Variants in CSMD3 observed in about 807,000 individuals in gnomAD.
CSMD3 encodes the protein CUB and sushi domain-containing protein 3.
Under a neutral mutation model 435.2 loss-of-function variants are expected in CSMD3, and 177 were observed. The observed-to-expected ratio is 0.41, with a 90% CI of 0.36 to 0.46. The LOEUF is 0.46. Ranked by LOEUF, CSMD3 falls within the 20% of genes least tolerant of loss-of-function variation. The pLI is 0.34. For missense variants in CSMD3, 4,265 were observed against 4,504.6 expected, an observed-to-expected ratio of 0.95 and a Z score of 1.52; for synonymous variants, 1,656 against 1,520.5, an observed-to-expected ratio of 1.09 and a Z score of -2.07.
At chr8:113,332,984 CATTTG>C in intron 1 of CSMD3, among the ~76,000 whole-genome samples, 1 of 151,730 alleles carries the variant, frequency 6.6e-6, no homozygotes, top group East Asian at 1.9e-4. Context: ...CATATATAGA[CATTTG>C]ATTTGAGTGT....
intron 5 of CSMD3, among the ~76,000 whole-genome samples, chr8:113,082,746 G>A (rs998042751): frequency 3.3e-5 from 5 of 151,996 alleles, no homozygotes; most frequent in Admixed American, 1.3e-4. Flanking sequence ...AAATTCAACA[G>A]AGATATCATG....
intron 10 of CSMD3, among the ~76,000 whole-genome samples, chr8:112,897,542 T>C (rs983646182): frequency 1.2e-4 from 18 of 150,720 alleles, no homozygotes; most frequent in Admixed American, 1.1e-3. Context: ...GATAAAGAAC[T>C]CAGAAAACTG....
intron 1 of CSMD3, among the ~76,000 whole-genome samples, chr8:113,368,809 A>G (rs1475591549): frequency 1.3e-5 from 2 of 152,226 alleles, no homozygotes; most frequent in East Asian, 1.9e-4. Context: ...ATCTAAATTC[A>G]TATCTAGTCC....
chr8:112,269,425 C>A (rs1014913428), intron 59 of CSMD3, among the ~76,000 whole-genome samples: 1 of 152,112 alleles, frequency 6.6e-6, no homozygotes, highest in African/African-American at 2.4e-5. Context: ...GGGGTTGGTC[C>A]TTTTGGACGC....
chr8:112,255,721 C>A (rs911757420), intron 61 of CSMD3: 1 of 373,106 alleles, frequency 2.7e-6, no homozygotes, highest in Non-Finnish European at 4.9e-6. Flanking sequence ...CAAAATCAAA[C>A]CACATATTTG....
intron 9 of CSMD3, among the ~76,000 whole-genome samples, chr8:112,944,315 T>C (rs148984039): frequency 6.6e-6 from 1 of 151,712 alleles, no homozygotes; most frequent in Non-Finnish European, 1.5e-5. Context: ...TCCTTTCTAT[T>C]AGATTGAAAA....
intron 1 of CSMD3, among the ~76,000 whole-genome samples, chr8:113,403,839 C>T (rs891816325): frequency 4.0e-5 from 6 of 151,258 alleles, no homozygotes; most frequent in African/African-American, 7.3e-5. Context: ...ACATTGGCTT[C>T]GATACAGAGA....
At position 112,265,699 on chromosome 8, in the gene CSMD3, G is replaced by T. The variant is rs77577735; in HGVS notation, c.9509-109C>A. On this transcript the variant is annotated intron_variant, in intron 59 of 70. Coordinates refer to ENST00000297405, the MANE Select transcript of CSMD3 (RefSeq NM_198123.2). ...TATATAAGCAGGAAAATTAGTTATC[G>T]TGTTCATTTTTAATCATAAAACATA... The T allele has an allele frequency of 7.3e-6, 6 of 817,854 alleles. No homozygotes were observed. In the East Asian group the frequency reaches 1.5e-4, roughly 20 times the overall value. 50.7% of individuals were successfully genotyped at this position (817,854 alleles called of 1,614,324 possible). A position where few individuals can be genotyped will look rare whatever the true frequency, so the allele number is the denominator to read the frequency against.
At chr8:112,976,410 AC>A (rs1211104480) in intron 6 of CSMD3, among the ~76,000 whole-genome samples, 1 of 152,090 alleles carries the variant, frequency 6.6e-6, no homozygotes, top group Non-Finnish European at 1.5e-5. Context: ...AAAAGGGTAA[AC>A]CCTTTATGTG....
chr8:112,358,984 G>A (rs963088062), intron 38 of CSMD3, among the ~76,000 whole-genome samples: 26 of 151,930 alleles, frequency 1.7e-4, no homozygotes, highest in African/African-American at 6.3e-4. Context: ...AAAGTAAATG[G>A]TTTTCTGAAA....
chr8:113,024,559 A>G (rs1232907122), intron 5 of CSMD3, among the ~76,000 whole-genome samples: 1 of 152,090 alleles, frequency 6.6e-6, no homozygotes, highest in Admixed American at 6.6e-5. Flanking sequence ...TTTTACTAAT[A>G]TATATTCTTG....
chr8:112,952,537 A>T (rs2083859264), intron 8 of CSMD3, among the ~76,000 whole-genome samples: 1 of 151,638 alleles, frequency 6.6e-6, no homozygotes, highest in Non-Finnish European at 1.5e-5. Flanking sequence ...AATTAAAACA[A>T]TATAACTCTA....
intron 1 of CSMD3, among the ~76,000 whole-genome samples, chr8:113,316,612 T>C (rs2093912153): frequency 6.6e-6 from 1 of 151,536 alleles, no homozygotes; most frequent in Admixed American, 6.6e-5. Flanking sequence ...TGTAGTGGCG[T>C]GATCTCGGCT....
chr8:113,373,859 T>C (rs778386301), intron 1 of CSMD3, among the ~76,000 whole-genome samples: 1 of 152,110 alleles, frequency 6.6e-6, no homozygotes, highest in African/African-American at 2.4e-5. Flanking sequence ...TACTACTCCT[T>C]TGGGGAGAGT....
intron 5 of CSMD3, among the ~76,000 whole-genome samples, chr8:113,095,485 T>C (rs1166940324): frequency 6.6e-6 from 1 of 152,198 alleles, no homozygotes; most frequent in Non-Finnish European, 1.5e-5. Flanking sequence ...ATGACCTCTA[T>C]GTTATTACAT....
intron 5 of CSMD3, among the ~76,000 whole-genome samples, chr8:113,060,208 T>C (rs1304129523): frequency 8.5e-5 from 11 of 128,782 alleles, no homozygotes; most frequent in Non-Finnish European, 1.3e-4. Flanking sequence ...TGTGATCTCA[T>C]TGTTCAATTC....
intron 7 of CSMD3, among the ~76,000 whole-genome samples, chr8:112,959,253 T>C (rs895800197): frequency 3.3e-5 from 5 of 152,040 alleles, no homozygotes; most frequent in Admixed American, 2.0e-4. Context: ...TAGAAGACAG[T>C]GGCATTTATT....
intron 9 of CSMD3, among the ~76,000 whole-genome samples, chr8:112,939,184 CA>C (rs974002523): frequency 4.0e-5 from 6 of 151,898 alleles, no homozygotes; most frequent in Admixed American, 3.9e-4. Context: ...TGCTTTTGTG[CA>C]GTTGGGAAGT....
At chr8:112,638,601 A>AT in intron 21 of CSMD3, 95 bp downstream of exon 21, 1 of 785,758 alleles carries the variant, frequency 1.3e-6, no homozygotes, top group Non-Finnish European at 2.1e-6. Context: ...CTCTCCAGCT[A>AT]TTTTTCACTG....
Sources: allele counts gnomAD v4.1 joint callset (sites outside exome capture counted in the v4.1 genomes callset), GRCh38; gene constraint gnomAD v4.1.1; transcripts MANE v1.5; gene names NCBI Gene and HGNC (gene_info 2026-07-23, HGNC 2026-07-21).